OVCH1: variants seen among roughly 807,000 people sequenced by gnomAD.
The protein encoded by OVCH1 is ovochymase-1.
A neutral mutation model predicts 138.4 loss-of-function variants in OVCH1; 139 were observed. The observed-to-expected ratio is 1.00, with a 90% CI of 0.87 to 1.16. The LOEUF (loss-of-function observed/expected upper bound fraction) is 1.16, where lower values mean the gene tolerates loss of function less well. Ranked by LOEUF, OVCH1 falls within the 50% of genes most tolerant of loss-of-function variation. The probability of loss-of-function intolerance (pLI) is 0.00; values close to 1 mark genes in which losing one functional copy is unlikely to be tolerated. For synonymous variants in OVCH1, 453 were observed against 467.8 expected, an observed-to-expected ratio of 0.97 and a Z score of 0.41; for missense variants, 1,367 against 1,357.9, an observed-to-expected ratio of 1.01 and a Z score of -0.11.
At chr12:29,405,031 A>C in the OVCH1 span, among the ~76,000 whole-genome samples, 8 of 67,074 alleles carry the variant, frequency 1.2e-4, no homozygotes, top group South Asian at 4.4e-4. Flanking sequence ...CAAAAAAAAA[A>C]AAAAAAAAAA....
intron 22 of OVCH1, among the ~76,000 whole-genome samples, chr12:29,449,276 T>TAC (rs10651165): frequency 0.095 from 13,056 of 137,218 alleles, 587 homozygotes; most frequent in Middle Eastern, 0.13. Context: ...CCCCCCTCCC[T>TAC]ACACACACAC....
chr12:29,472,242 G>A (rs546487222), intron 15 of OVCH1, among the ~76,000 whole-genome samples: 1 of 152,300 alleles, frequency 6.6e-6, no homozygotes, highest in East Asian at 1.9e-4. Flanking sequence ...CTTGCCATTT[G>A]CTAGGCACTG....
chr12:29,434,747 A>C (rs1055425758), intron 26 of OVCH1, among the ~76,000 whole-genome samples: 4 of 152,184 alleles, frequency 2.6e-5, no homozygotes, highest in Non-Finnish European at 4.4e-5. Context: ...ATCAAGACAA[A>C]GATTATTGAG....
intron 27 of OVCH1, among the ~76,000 whole-genome samples, chr12:29,429,160 C>G (rs1010700059): frequency 3.3e-5 from 5 of 152,150 alleles, no homozygotes; most frequent in Non-Finnish European, 5.9e-5. Context: ...GAGTATAAAA[C>G]CTGATACTGG....
intron 3 of OVCH1, 116 bp downstream of exon 3, chr12:29,496,065 C>A: frequency 1.1e-6 from 1 of 900,246 alleles, no homozygotes; most frequent in Non-Finnish European, 1.7e-6. Context: ...GGTGGGTACA[C>A]TGGGAGGCAA....
intron 19 of OVCH1, among the ~76,000 whole-genome samples, chr12:29,457,616 G>A (rs1468072760): frequency 1.3e-5 from 2 of 151,830 alleles, no homozygotes; most frequent in East Asian, 1.9e-4. Flanking sequence ...TGTTGGCCAG[G>A]ATGGTCTCGA....
intron 3 of OVCH1, among the ~76,000 whole-genome samples, chr12:29,414,015 TCTCTC>T (rs757422377): frequency 9.3e-5 from 7 of 75,428 alleles, no homozygotes; most frequent in Non-Finnish European, 1.9e-4. Context: ...CTCCTCTCTC[TCTCTC>T]TTTTTTTTTT....
chr12:29,488,042 T>A (rs575654815), intron 6 of OVCH1, among the ~76,000 whole-genome samples, 160 bp from the exon 7 acceptor site: 8 of 152,362 alleles, frequency 5.3e-5, no homozygotes, highest in African/African-American at 1.9e-4. Context: ...CATTTTCTTG[T>A]GTCCTTATCA....
chr12:29,425,760 ATATT>A (rs1178265619), downstream of OVCH1, among the ~76,000 whole-genome samples: 7 of 152,214 alleles, frequency 4.6e-5, no homozygotes, highest in Non-Finnish European at 1.0e-4. Context: ...ATAATGGTAA[ATATT>A]TAATAAGTTA....
chr12:29,495,300 G>A, exon 4 of OVCH1: 4 of 1,609,980 alleles, frequency 2.5e-6, no homozygotes, highest in Non-Finnish European at 3.4e-6. Flanking sequence ...TTGACTTTGT[G>A]TTTTAGATAC....
chr12:29,424,876 T>C (rs919129950), downstream of OVCH1, among the ~76,000 whole-genome samples: 1 of 152,172 alleles, frequency 6.6e-6, no homozygotes, highest in African/African-American at 2.4e-5. Flanking sequence ...TAAACGAAAA[T>C]AAACCTCAGC....
intron 25 of OVCH1, chr12:29,440,667 T>C: frequency 2.2e-6 from 1 of 454,322 alleles, no homozygotes; most frequent in Middle Eastern, 3.3e-4. Flanking sequence ...TACTGCAGTC[T>C]CCCCACAAGA....
intron 14 of OVCH1, 124 bp from the exon 15 acceptor site, chr12:29,473,227 C>T: frequency 1.6e-6 from 1 of 621,252 alleles, no homozygotes; most frequent in Non-Finnish European, 2.8e-6. Flanking sequence ...ACCATTCATA[C>T]ACTAGATGCC....
intron 3 of OVCH1, among the ~76,000 whole-genome samples, chr12:29,418,486 T>C (rs567020633): frequency 6.6e-6 from 1 of 152,326 alleles, no homozygotes; most frequent in African/African-American, 2.4e-5. Context: ...GGCATAAATA[T>C]AAGGAAGTTT....
intron 25 of OVCH1, among the ~76,000 whole-genome samples, 156 bp downstream of exon 26, chr12:29,439,697 A>G (rs781700084): frequency 7.4e-4 from 113 of 152,096 alleles, no homozygotes; most frequent in Non-Finnish European, 2.8e-4. Context: ...CGGTTTCACA[A>G]GACTGCTCTC....
At chr12:29,491,327 G>A (rs1943267674) in intron 4 of OVCH1, 135 bp from the exon 5 acceptor site, 1 of 729,438 alleles carries the variant, frequency 1.4e-6, no homozygotes, top group Non-Finnish European at 2.2e-6. Flanking sequence ...TTAAGTTTTG[G>A]CCCCTCCATA....
intron 18 of OVCH1, 22 bp from the exon 19 acceptor site, chr12:29,462,030 A>G: frequency 6.2e-7 from 1 of 1,605,376 alleles, no homozygotes; most frequent in South Asian, 1.1e-5. Context: ...ACATTCAGAG[A>G]GAGCTCGATG....
intron 3 of OVCH1, among the ~76,000 whole-genome samples, chr12:29,413,054 A>G (rs1940981545): frequency 6.8e-6 from 1 of 147,004 alleles, no homozygotes; most frequent in Admixed American, 6.8e-5. Flanking sequence ...TGGAGATGAG[A>G]TCTTGCCATT....
At chr12:29,421,897 GCA>G (rs1161332445) in intron 3 of OVCH1, among the ~76,000 whole-genome samples, 6 of 152,010 alleles carry the variant, frequency 3.9e-5, no homozygotes, top group Non-Finnish European at 8.8e-5. Flanking sequence ...AAAGTTTCTA[GCA>G]CAGTGGATTT....
Sources: gnomAD v4.1 joint callset for allele counts (sites outside exome capture counted in the v4.1 genomes callset) on GRCh38, gnomAD v4.1.1 for gene constraint, MANE v1.5 for transcripts, NCBI Gene and HGNC (gene_info 2026-07-23, HGNC 2026-07-21) for gene names.